ABCB7: variants seen among roughly 807,000 people sequenced by gnomAD.
The protein encoded by ABCB7 is ATP binding cassette subfamily B member 7.
A neutral mutation model predicts 54.4 loss-of-function variants in ABCB7; 7 were observed. The ratio of observed to expected loss-of-function variants is 0.13; its 90% CI spans 0.07 to 0.24. The LOEUF is 0.24. Among genes scored for constraint, ABCB7 ranks in the 10% least tolerant of loss-of-function variants. The pLI is 1.00. For missense variants in ABCB7, 356 were observed against 570.4 expected (o/e 0.62, Z 3.83); for synonymous variants, 218 against 207.1 (o/e 1.05, Z -0.45).
At chrX:75,128,424 C>T (rs1479617485) in intron 1 of ABCB7, among the ~76,000 whole-genome samples, 2 of 111,683 alleles carry the variant, frequency 1.8e-5, no homozygotes, top group Non-Finnish European at 3.8e-5. Context: ...GGACCACCTC[C>T]TTACACCTTA....
intron 12 of ABCB7, among the ~76,000 whole-genome samples, chrX:75,065,695 A>T (rs1382397383): frequency 1.8e-5 from 2 of 112,017 alleles, no homozygotes; most frequent in Non-Finnish European, 3.8e-5. Flanking sequence ...TGCTACTACA[A>T]TGTTGGAATA....
intron 12 of ABCB7, among the ~76,000 whole-genome samples, chrX:75,065,963 G>GT (rs1348821580): frequency 9.0e-6 from 1 of 111,450 alleles, no homozygotes; most frequent in Non-Finnish European, 1.9e-5. Context: ...GGAAAAATGT[G>GT]TTTTTTGTTT....
At chrX:75,141,192 CTT>C (rs1450714585) in intron 1 of ABCB7, among the ~76,000 whole-genome samples, 1 of 111,875 alleles carries the variant, frequency 8.9e-6, no homozygotes, top group Non-Finnish European at 1.9e-5. Context: ...CGCTGAGAAA[CTT>C]AAAGGCCACA....
At position 75,073,978 on chromosome X, in the gene ABCB7, A is replaced by C. The variant is rs1245296634; in HGVS notation, c.856-22T>G. 4 of 1,129,701 alleles carry C rather than the reference A, an allele frequency of 3.5e-6. No homozygotes were observed. In the South Asian group the frequency reaches 7.3e-5, roughly 21 times the overall value. The allele number at this position is 1,129,701 out of a possible 1,213,427, so 93.1% of individuals were successfully genotyped here. On this transcript the variant is annotated intron_variant, in intron 6 of 15. Coordinates refer to ENST00000373394, the MANE Select transcript of ABCB7 (RefSeq NM_001271696.3). ...AATACTAGAAAAGGAAGTCCAAAGA[A>C]GAAACGTGAAACAGTTATTGTTCTT...
At chrX:75,145,007 C>A (rs745440880) in intron 1 of ABCB7, among the ~76,000 whole-genome samples, 70 of 110,459 alleles carry the variant, frequency 6.3e-4, no homozygotes, top group Non-Finnish European at 1.1e-3. Context: ...GGAGTGATCG[C>A]TCAGAGTATG....
intron 1 of ABCB7, among the ~76,000 whole-genome samples, chrX:75,133,706 C>A (rs759449166): frequency 1.8e-5 from 2 of 111,897 alleles, no homozygotes; most frequent in East Asian, 5.6e-4. Context: ...GAAATTCTAG[C>A]CAATAATTTA....
chrX:75,147,454 T>C (rs1421510059), intron 1 of ABCB7, among the ~76,000 whole-genome samples: 2 of 110,673 alleles, frequency 1.8e-5, no homozygotes, highest in Non-Finnish European at 3.8e-5. Flanking sequence ...ATAAAGAAAA[T>C]GTGGTACAAA....
chrX:75,132,381 T>C (rs2081981221), intron 1 of ABCB7, among the ~76,000 whole-genome samples: 1 of 113,265 alleles, frequency 8.8e-6, no homozygotes, highest in Non-Finnish European at 1.9e-5. Context: ...ATTAGGCTGA[T>C]CGTTCTGACT....
intron 4 of ABCB7, among the ~76,000 whole-genome samples, chrX:75,091,798 T>C (rs2081546146): frequency 9.0e-6 from 1 of 111,133 alleles, no homozygotes; most frequent in Non-Finnish European, 1.9e-5. Context: ...ACATATGCAA[T>C]TTGAAATAAA....
At chrX:75,057,206 T>C (rs1278966769) in intron 15 of ABCB7, among the ~76,000 whole-genome samples, 1 of 111,678 alleles carries the variant, frequency 9.0e-6, no homozygotes, top group African/African-American at 3.3e-5. Flanking sequence ...AGGCAGCCAA[T>C]TGCTTTAGTT....
At chrX:75,067,341 A>G (rs2081328510) in intron 12 of ABCB7, among the ~76,000 whole-genome samples, 1 of 112,007 alleles carries the variant, frequency 8.9e-6, no homozygotes, top group Non-Finnish European at 1.9e-5. Flanking sequence ...GTTACTTCCC[A>G]AAAGGATGAG....
At chrX:75,133,509 C>G (rs2081989112) in intron 1 of ABCB7, among the ~76,000 whole-genome samples, 2 of 111,229 alleles carry the variant, frequency 1.8e-5, no homozygotes, top group Admixed American at 9.6e-5. Context: ...TACAAAACAA[C>G]CATCCTCAAG....
chrX:75,104,585 G>T (rs1384300166), intron 3 of ABCB7, among the ~76,000 whole-genome samples: 2 of 110,540 alleles, frequency 1.8e-5, no homozygotes, highest in Non-Finnish European at 3.8e-5. Flanking sequence ...AAAAACCCCA[G>T]AACCAGGCAG....
At chrX:75,149,350 A>G (rs780197158) in intron 1 of ABCB7, among the ~76,000 whole-genome samples, 1 of 112,166 alleles carries the variant, frequency 8.9e-6, no homozygotes, top group East Asian at 2.8e-4. Context: ...ATTTTAGGAT[A>G]AAAAGTAAGT....
In ABCB7 at chrX:75,052,922, C is replaced by G. The variant is rs146223847; in HGVS notation, c.*448G>C. ...AAAGTTTATAAATTCATTTTCACAT[C>G]AATTTCAATTGGACGAAGGAGGGAG... On this transcript the variant is annotated 3_prime_UTR_variant, in exon 16 of 16. Coordinates refer to ENST00000373394, the MANE Select transcript of ABCB7 (RefSeq NM_001271696.3). The G allele has an allele frequency of 0.027, 3,270 of 119,176 alleles. 117 individuals carry two copies. The highest frequency in any genetic ancestry group is 0.1 in the African/African-American group (3,122 of 31,117). The allele number at this position is 119,176 out of a possible 1,213,427, so 9.8% of individuals were successfully genotyped here. A position where few individuals can be genotyped will look rare whatever the true frequency, so the allele number is the denominator to read the frequency against.
intron 8 of ABCB7, among the ~76,000 whole-genome samples, chrX:75,072,016 T>C (rs776100417): frequency 9.0e-6 from 1 of 111,573 alleles, no homozygotes; most frequent in Non-Finnish European, 1.9e-5. Flanking sequence ...CACAACATTA[T>C]GCCTTCTTAT....
intron 1 of ABCB7, among the ~76,000 whole-genome samples, chrX:75,144,790 G>A (rs1358998084): frequency 9.0e-6 from 1 of 110,577 alleles, no homozygotes; most frequent in Non-Finnish European, 1.9e-5. Context: ...AGCAAGAGGA[G>A]AAACCACTGA....
At chrX:75,099,979 T>C (rs751447563) in intron 3 of ABCB7, among the ~76,000 whole-genome samples, 17 of 110,816 alleles carry the variant, frequency 1.5e-4, no homozygotes, top group Non-Finnish European at 2.8e-4. Flanking sequence ...TGATGGAGAA[T>C]ACACTGAAAT....
rs1242405124 is a variant in ABCB7 at position 75,094,046 on chromosome X, ATATATATC to A, written c.453+4888_453+4895del. Among the ~76,000 whole-genome samples, 103 of 22,022 alleles carry A rather than the reference ATATATATC, an allele frequency of 4.7e-3. 3 individuals carry two copies. The highest frequency in any genetic ancestry group is 0.03 in the East Asian group (69 of 2,279). 19.1% of individuals were successfully genotyped at this position (22,022 alleles called of 115,157 possible). The stretch of plus-strand genomic sequence containing the variant: ...TATATATATATATATATATATATAT[ATATATATC>A]TATCTTATTATTTGTTAGTCACTCA... On this transcript the variant is annotated intron_variant, in intron 4 of 15. Transcript: ENST00000373394.
Sources: gnomAD v4.1 joint callset for allele counts (sites outside exome capture counted in the v4.1 genomes callset) on GRCh38, gnomAD v4.1.1 for gene constraint, MANE v1.5 for transcripts, NCBI Gene and HGNC (gene_info 2026-07-23, HGNC 2026-07-21) for gene names.